The following NRXN3 variants were observed in gnomAD, a reference collection of about 807,000 sequenced individuals.
NRXN3 encodes the protein neurexin 3, also known as neurexin III.
Under a neutral mutation model 137.6 loss-of-function variants are expected in NRXN3, and 32 were observed. The observed-to-expected ratio is 0.23, with a 90% CI of 0.18 to 0.31. The LOEUF is 0.31. Among genes scored for constraint, NRXN3 ranks in the 10% least tolerant of loss-of-function variants. NRXN3 has a pLI of 1.00. For synonymous variants in NRXN3, 798 were observed against 784.5 expected, an observed-to-expected ratio of 1.02 and a Z score of -0.29; for missense variants, 1,574 against 2,062.5, an observed-to-expected ratio of 0.76 and a Z score of 4.59.
At chr14:78,376,942 TA>T (rs1420991877) in intron 4 of NRXN3, among the ~76,000 whole-genome samples, 7 of 152,180 alleles carry the variant, frequency 4.6e-5, no homozygotes, top group Admixed American at 1.3e-4. Flanking sequence ...ACTTTGTATG[TA>T]AAAACATTAT....
intron 15 of NRXN3, among the ~76,000 whole-genome samples, chr14:79,282,769 C>T (rs923657280): frequency 2.6e-5 from 4 of 152,166 alleles, no homozygotes; most frequent in Admixed American, 6.5e-5. Context: ...TCTGGCATGG[C>T]TGAGATAAGA....
intron 10 of NRXN3, among the ~76,000 whole-genome samples, chr14:78,896,809 C>T (rs2099176923): frequency 2.0e-5 from 3 of 151,902 alleles, no homozygotes; most frequent in African/African-American, 7.2e-5. Flanking sequence ...TAGAATAATA[C>T]ATGGAGTATT....
At chr14:79,731,330 A>C (rs577056321) in intron 19 of NRXN3, among the ~76,000 whole-genome samples, 2 of 152,302 alleles carry the variant, frequency 1.3e-5, no homozygotes, top group African/African-American at 4.8e-5. Flanking sequence ...TTGAGCTGTG[A>C]TTTTACTTGT....
At chr14:79,138,121 G>A (rs1229512926) in intron 15 of NRXN3, among the ~76,000 whole-genome samples, 1 of 152,122 alleles carries the variant, frequency 6.6e-6, no homozygotes, top group Non-Finnish European at 1.5e-5. Context: ...ATGGGAACAG[G>A]AATCAAACTT....
intron 8 of NRXN3, among the ~76,000 whole-genome samples, chr14:78,719,511 T>C (rs2098449748): frequency 6.6e-6 from 1 of 152,166 alleles, no homozygotes; most frequent in African/African-American, 2.4e-5. Flanking sequence ...AAATGCTACA[T>C]ATATGCCACA....
At chr14:78,277,821 C>T (rs1285813907) in intron 2 of NRXN3, among the ~76,000 whole-genome samples, 2 of 152,104 alleles carry the variant, frequency 1.3e-5, no homozygotes, top group Admixed American at 6.5e-5. Context: ...AGGCGCGAAC[C>T]GTTCTTCATT....
chr14:78,305,730 A>G (rs2077304560), intron 4 of NRXN3, among the ~76,000 whole-genome samples: 1 of 152,190 alleles, frequency 6.6e-6, no homozygotes, highest in South Asian at 2.1e-4. Flanking sequence ...TCTGTGCTCT[A>G]TAAATATCTA....
intron 1 of NRXN3, among the ~76,000 whole-genome samples, chr14:78,225,211 C>A (rs2064390342): frequency 1.3e-5 from 2 of 152,174 alleles, no homozygotes; most frequent in African/African-American, 4.8e-5. Context: ...TTTACAGTCC[C>A]ACCAACAGTG....
intron 4 of NRXN3, among the ~76,000 whole-genome samples, chr14:78,396,895 G>A (rs927882834): frequency 2.0e-5 from 3 of 152,092 alleles, no homozygotes; most frequent in Non-Finnish European, 4.4e-5. Context: ...CTGAGATCAG[G>A]GTGCCGGGTG....
At chr14:79,272,614 C>A (rs754384298) in intron 15 of NRXN3, among the ~76,000 whole-genome samples, 12 of 151,980 alleles carry the variant, frequency 7.9e-5, no homozygotes, top group Admixed American at 2.6e-4. Flanking sequence ...CACTAGAGAG[C>A]CCTTTCACGT....
rs139093424 is a variant in NRXN3 at position 79,213,767 on chromosome 14, C to T, written c.3262+225626C>T. On this transcript the variant is annotated intron_variant, in intron 15 of 20. Coordinates refer to ENST00000335750, the MANE Select transcript of NRXN3 (RefSeq NM_001330195.2). ...GCCCTCTAGCACATAGCCATCTGCT[C>T]GGCCACATCCACACAGTTCTCTCAC... Among the ~76,000 whole-genome samples the T allele has an allele frequency of 2.1e-3, 322 of 152,214 alleles. 5 individuals carry two copies. Among genetic ancestry groups the T allele is most frequent in the African/African-American group, 7.5e-3 (312 of 41,546 alleles).
chr14:79,000,528 T>A (rs2099539325), intron 15 of NRXN3, among the ~76,000 whole-genome samples: 1 of 152,202 alleles, frequency 6.6e-6, no homozygotes. Context: ...ATTTGGGGTA[T>A]GATTTTATTT....
At chr14:78,239,713 T>C (rs572049260) in intron 1 of NRXN3, among the ~76,000 whole-genome samples, 1 of 152,112 alleles carries the variant, frequency 6.6e-6, no homozygotes, top group East Asian at 1.9e-4. Context: ...CTTTCTTTCT[T>C]TTTTTTTGAG....
At chr14:78,478,835 C>G (rs2095423504) in intron 4 of NRXN3, among the ~76,000 whole-genome samples, 1 of 152,138 alleles carries the variant, frequency 6.6e-6, no homozygotes, top group South Asian at 2.1e-4. Context: ...GCTGAAGGAG[C>G]ATTTTAGAAA....
chr14:78,550,811 A>C (rs567534688), intron 4 of NRXN3, among the ~76,000 whole-genome samples: 2 of 152,336 alleles, frequency 1.3e-5, no homozygotes, highest in African/African-American at 2.4e-5. Flanking sequence ...CCTGAGCCTA[A>C]GTATAAAATG....
At chr14:78,907,776 A>T (rs2099222821) in intron 10 of NRXN3, among the ~76,000 whole-genome samples, 1 of 151,790 alleles carries the variant, frequency 6.6e-6, no homozygotes, top group Non-Finnish European at 1.5e-5. Flanking sequence ...ATTTTTTCTG[A>T]TTCTCTTCCT....
At chr14:78,389,988 A>AT (rs1464716443) in intron 4 of NRXN3, among the ~76,000 whole-genome samples, 1 of 152,134 alleles carries the variant, frequency 6.6e-6, no homozygotes, top group African/African-American at 2.4e-5. Flanking sequence ...TCCCTCACTG[A>AT]TTTTCAAGGA....
intron 20 of NRXN3, among the ~76,000 whole-genome samples, chr14:79,848,307 C>A (rs1022434): frequency 0.91 from 138,884 of 152,216 alleles, 63,419 homozygotes; most frequent in East Asian, 1. Context: ...TTTAGGACTT[C>A]TATATGCAGA....
chr14:79,485,173 G>C (rs2096644536), intron 16 of NRXN3, among the ~76,000 whole-genome samples: 1 of 152,040 alleles, frequency 6.6e-6, no homozygotes, highest in Non-Finnish European at 1.5e-5. Flanking sequence ...GTCTTTCAGA[G>C]ATGCATTTAA....
Sources: allele counts gnomAD v4.1 joint callset (sites outside exome capture counted in the v4.1 genomes callset), GRCh38; gene constraint gnomAD v4.1.1; transcripts MANE v1.5; gene names NCBI Gene and HGNC (gene_info 2026-07-23, HGNC 2026-07-21).